Variants in TMEFF1 observed in about 807,000 individuals in gnomAD.
TMEFF1 encodes the protein tomoregulin-1.
TMEFF1 carries 20 observed loss-of-function variants against 47.5 expected under a neutral mutation model. That is an observed-to-expected ratio of 0.42 (90% CI 0.30 to 0.61). The LOEUF is 0.61. Ranked by LOEUF, TMEFF1 falls within the 20% of genes least tolerant of loss-of-function variation. The pLI, the probability that TMEFF1 is intolerant of heterozygous loss-of-function variation, is 0.19. For missense variants in TMEFF1, 411 were observed against 471.1 expected (o/e 0.87, Z 1.18); for synonymous variants, 162 against 166.3 (o/e 0.97, Z 0.20).
At chr9:100,569,667 T>C (rs1386425685) in intron 8 of TMEFF1, among the ~76,000 whole-genome samples, 1 of 152,170 alleles carries the variant, frequency 6.6e-6, no homozygotes, top group Non-Finnish European at 1.5e-5. Flanking sequence ...AAAAATTAAA[T>C]TTATTTAAAA....
rs1477559913 is a variant in TMEFF1, at chr9:100,512,885, A to G, written c.437-422A>G. Among the ~76,000 whole-genome samples the G allele has an allele frequency of 2.0e-5, 3 of 151,064 alleles. No individual in the cohort carries two copies. In the East Asian group the frequency reaches 5.8e-4, roughly 29 times the overall value. ...TCCTTAAGAAGATTTTTTTTTTTGT[A>G]GTAAGACCCAAAGCTCTTTTCCTGC... On this transcript the variant is annotated intron_variant, in intron 3 of 9. Coordinates refer to ENST00000374879, the MANE Select transcript of TMEFF1 (RefSeq NM_003692.5).
At chr9:100,522,527 T>C (rs1391934800) in intron 5 of TMEFF1, among the ~76,000 whole-genome samples, 1 of 135,728 alleles carries the variant, frequency 7.4e-6, no homozygotes, top group African/African-American at 2.7e-5. Context: ...AACTTCCGCC[T>C]CCCGGGTTCA....
Position 100,513,322 on chromosome 9 carries a change from C to T in TMEFF1, c.452C>T (p.Ser151Phe), listed in dbSNP as rs780359618. ...GPCYSDNGSG[S>F]GEGEEEGSGA... ...TTCTTCTCAGATAATGGATCTGGATCTGGAGAAGGAGGTAAGTTTCAAGTA... is the reference window on the plus strand; with the variant it reads ...TTCTTCTCAGATAATGGATCTGGATTTGGAGAAGGAGGTAAGTTTCAAGTA... The change falls in exon 4 of 10, where the codon TCT becomes TTT. Residue 151 changes from serine (S) to phenylalanine (F), a missense_variant. By Grantham distance (155) the Ser-to-Phe change is radical. Transcript: ENST00000374879. The T allele has an allele frequency of 6.3e-7, 1 of 1,594,980 alleles. No homozygotes were observed. Among genetic ancestry groups the T allele is most frequent in the Non-Finnish European group, 8.5e-7 (1 of 1,173,010 alleles).
intron 7 of TMEFF1, among the ~76,000 whole-genome samples, chr9:100,560,324 G>GTAT (rs1838990873): frequency 6.6e-5 from 10 of 152,090 alleles, no homozygotes; most frequent in African/African-American, 2.4e-4. Flanking sequence ...TCAGGTTTAA[G>GTAT]AGGGTAGTAT....
intron 5 of TMEFF1, among the ~76,000 whole-genome samples, chr9:100,521,853 T>G (rs1282561133): frequency 6.6e-6 from 1 of 152,226 alleles, no homozygotes; most frequent in African/African-American, 2.4e-5. Flanking sequence ...GTCAGTCTCC[T>G]TTTTAGAGAT....
intron 5 of TMEFF1, among the ~76,000 whole-genome samples, chr9:100,537,543 A>G (rs1359979620): frequency 1.3e-5 from 2 of 152,206 alleles, no homozygotes; most frequent in African/African-American, 4.8e-5. Flanking sequence ...TGAGATAGTA[A>G]GCTGTCTATT....
At chr9:100,502,309 T>C (rs1347029255) in intron 2 of TMEFF1, among the ~76,000 whole-genome samples, 3 of 152,226 alleles carry the variant, frequency 2.0e-5, no homozygotes, top group African/African-American at 7.2e-5. Flanking sequence ...CATTTTCATT[T>C]TGTTTATATT....
chr9:100,475,782 G>C (rs1275669013), intron 1 of TMEFF1, among the ~76,000 whole-genome samples: 3 of 150,852 alleles, frequency 2.0e-5, no homozygotes, highest in East Asian at 3.9e-4. Context: ...ATGGAATGTA[G>C]GGGCTTGGAG....
intron 1 of TMEFF1, among the ~76,000 whole-genome samples, chr9:100,486,357 T>C (rs145195763): frequency 0.044 from 6,665 of 152,236 alleles, 320 homozygotes; most frequent in South Asian, 0.22. Context: ...ATTCTCCTGC[T>C]TCAGCCTCCT....
intron 5 of TMEFF1, among the ~76,000 whole-genome samples, chr9:100,523,316 A>G (rs976611219): frequency 6.6e-6 from 1 of 152,090 alleles, no homozygotes; most frequent in Non-Finnish European, 1.5e-5. Flanking sequence ...GCGTTCTCCC[A>G]CAGTTCCTAT....
At chr9:100,567,746 G>A (rs890945284) in intron 8 of TMEFF1, among the ~76,000 whole-genome samples, 43 of 152,190 alleles carry the variant, frequency 2.8e-4, no homozygotes, top group Admixed American at 2.6e-3. Context: ...TAACCTAGAA[G>A]TTAGTACTCT....
At chr9:100,498,320 A>G (rs1352256947) in intron 1 of TMEFF1, among the ~76,000 whole-genome samples, 3 of 152,212 alleles carry the variant, frequency 2.0e-5, no homozygotes, top group Non-Finnish European at 2.9e-5. Flanking sequence ...CCCAAAATTT[A>G]TTCTGCATAC....
Position 100,497,320 on chromosome 9 carries a change from C to CTTTTT in TMEFF1, c.197-1425_197-1421dup, listed in dbSNP as rs752427622. On this transcript the variant is annotated intron_variant, in intron 1 of 9. Coordinates refer to ENST00000374879, the MANE Select transcript of TMEFF1 (RefSeq NM_003692.5). ...TCTTGCTTTAAGTTTCCACTCATGT[C>CTTTTT]TTTTTTTTTTTTTTTTTTTTTTTTG... Among the ~76,000 whole-genome samples, 396 of 59,250 alleles carry CTTTTT rather than the reference C, an allele frequency of 6.7e-3. 6 individuals are homozygous for CTTTTT. The highest frequency in any genetic ancestry group is 8.7e-3 in the African/African-American group (127 of 14,626). 38.9% of individuals were successfully genotyped at this position (59,250 alleles called of 152,430 possible). A position where few individuals can be genotyped will look rare whatever the true frequency, so the allele number is the denominator to read the frequency against.
chr9:100,550,823 T>C (rs568062131), intron 7 of TMEFF1, among the ~76,000 whole-genome samples: 1 of 152,250 alleles, frequency 6.6e-6, no homozygotes, highest in Non-Finnish European at 1.5e-5. Flanking sequence ...TGTGCTTGTC[T>C]AAAGAGTGGA....
chr9:100,528,405 T>C (rs901882432), intron 5 of TMEFF1, among the ~76,000 whole-genome samples: 1 of 145,470 alleles, frequency 6.9e-6, no homozygotes. Flanking sequence ...AAGGAGCTGA[T>C]GGGGCTGAAA....
chr9:100,539,857 C>A (rs2118483855), intron 5 of TMEFF1, among the ~76,000 whole-genome samples: 1 of 152,298 alleles, frequency 6.6e-6, no homozygotes, highest in East Asian at 1.9e-4. Context: ...CTGATTGGTC[C>A]ATTTTACATA....
intron 5 of TMEFF1, among the ~76,000 whole-genome samples, chr9:100,546,387 A>G (rs1217866291): frequency 3.3e-5 from 5 of 152,044 alleles, no homozygotes; most frequent in Non-Finnish European, 7.4e-5. Context: ...CTCATTCACT[A>G]TCATGAGAGC....
At position 100,498,726 on chromosome 9, in the gene TMEFF1, A is replaced by C. The variant is rs369354147; in HGVS notation, c.197-39A>C. 11 of 1,605,362 alleles carry C rather than the reference A, an allele frequency of 6.9e-6. No individual in the cohort carries two copies. In the African/African-American group the frequency reaches 1.5e-4, roughly 22 times the overall value. On this transcript the variant is annotated intron_variant, in intron 1 of 9. Transcript: ENST00000374879. ...GCACAGACACACACACGTAATAAAA[A>C]GCCAAATATATATGTCAAACAATTT...
intron 7 of TMEFF1, among the ~76,000 whole-genome samples, chr9:100,554,953 C>T (rs1177825848): frequency 1.3e-5 from 2 of 152,052 alleles, no homozygotes; most frequent in African/African-American, 2.4e-5. Context: ...TTTGGTTGTA[C>T]ACTGTTGGAC....
Sources: allele counts gnomAD v4.1 joint callset (sites outside exome capture counted in the v4.1 genomes callset), GRCh38; gene constraint gnomAD v4.1.1; transcripts MANE v1.5; gene names NCBI Gene and HGNC (gene_info 2026-07-23, HGNC 2026-07-21).